The following MXD1 variants were observed in gnomAD, a reference collection of about 807,000 sequenced individuals.
MXD1 encodes MAX-binding protein.
Under a neutral mutation model 25.7 loss-of-function variants are expected in MXD1, and 9 were observed. The ratio of observed to expected loss-of-function variants is 0.35; its 90% CI spans 0.21 to 0.61. The LOEUF (loss-of-function observed/expected upper bound fraction) is 0.61, where lower values mean the gene tolerates loss of function less well. MXD1 is among the 20% of genes least tolerant of loss of function. The pLI, the probability that MXD1 is intolerant of heterozygous loss-of-function variation, is 0.75. For missense variants in MXD1, 227 were observed against 292.4 expected, an observed-to-expected ratio of 0.78 and a Z score of 1.63; for synonymous variants, 99 against 113.9, an observed-to-expected ratio of 0.87 and a Z score of 0.83.
chr2:69,917,357 C>T (rs1224555866), intron 2 of MXD1, among the ~76,000 whole-genome samples: 7 of 152,198 alleles, frequency 4.6e-5, no homozygotes, highest in Non-Finnish European at 1.0e-4. Context: ...TGCTTGTCCT[C>T]CCACCTTAGC....
intron 3 of MXD1, among the ~76,000 whole-genome samples, chr2:69,922,167 CAT>C (rs532448878): frequency 1.1e-3 from 166 of 152,254 alleles, no homozygotes; most frequent in Middle Eastern, 3.4e-3. Flanking sequence ...TATATTAACA[CAT>C]GTGTATTAAC....
chr2:69,924,002 T>A (rs1021101450), intron 3 of MXD1, among the ~76,000 whole-genome samples: 6 of 152,260 alleles, frequency 3.9e-5, no homozygotes, highest in Non-Finnish European at 8.8e-5. Context: ...TCTGCAGGAA[T>A]GCCACAGAAT....
chr2:69,920,363 T>A (rs554080127), intron 2 of MXD1, among the ~76,000 whole-genome samples: 75 of 152,348 alleles, frequency 4.9e-4, no homozygotes, highest in Non-Finnish European at 8.5e-4. Flanking sequence ...AAAACAAATA[T>A]TCTAAACTTA....
rs1222567576 is a variant in MXD1 at position 69,915,289 on chromosome 2, G to A, written c.-42G>A. The A allele has an allele frequency of 3.8e-6, 5 of 1,302,078 alleles. No individual in the cohort carries two copies. The highest frequency in any genetic ancestry group is 4.9e-6 in the Non-Finnish European group (5 of 1,016,582). 80.7% of individuals were successfully genotyped at this position (1,302,078 alleles called of 1,614,324 possible). A position where few individuals can be genotyped will look rare whatever the true frequency, so the allele number is the denominator to read the frequency against. On this transcript the variant is annotated 5_prime_UTR_variant, in exon 1 of 6. Coordinates refer to ENST00000264444, the MANE Select transcript of MXD1 (RefSeq NM_002357.4). The surrounding 1 kb of genome is among the most constrained non-coding windows in gnomAD (Gnocchi z 5.8). ...GTCCGGCGGCGGCAGCGAGCCCGTG[G>A]GCAGTGGGGGTTGGTCCCGTGGCTC...
intron 3 of MXD1, among the ~76,000 whole-genome samples, chr2:69,924,748 CTCA>C (rs200098370): frequency 2.1e-4 from 8 of 38,506 alleles, no homozygotes; most frequent in African/African-American, 1.8e-3. Context: ...TGCCATGGCT[CTCA>C]AAAAAAAAAG....
Position 69,938,822 on chromosome 2 carries a change from G to A in MXD1, c.*538G>A, listed in dbSNP as rs1341800949. 6.5e-6 allele frequency: 1 copy of A among 153,642 alleles called. No individual in the cohort carries two copies. The highest frequency in any genetic ancestry group is 1.5e-5 in the Non-Finnish European group (1 of 68,844). 9.5% of individuals were successfully genotyped at this position (153,642 alleles called of 1,614,324 possible). A position where few individuals can be genotyped will look rare whatever the true frequency, so the allele number is the denominator to read the frequency against. On this transcript the variant is annotated 3_prime_UTR_variant, in exon 6 of 6. Transcript: ENST00000264444. ...AGTCAGGAATACCTCTAGAAAACAC[G>A]CCCTTCACACCGCGCATGCTCATTC... is the stretch of plus-strand genomic sequence containing the variant.
intron 3 of MXD1, among the ~76,000 whole-genome samples, chr2:69,923,899 C>T (rs919329907): frequency 2.6e-5 from 4 of 152,172 alleles, no homozygotes; most frequent in Non-Finnish European, 4.4e-5. Flanking sequence ...TAGTTCTTCG[C>T]CCCTCTAATA....
intron 3 of MXD1, among the ~76,000 whole-genome samples, chr2:69,933,623 T>C (rs1282212229): frequency 6.6e-6 from 1 of 152,148 alleles, no homozygotes; most frequent in Admixed American, 6.5e-5. Flanking sequence ...CCTCATGACC[T>C]AGAAGAGGCA....
intron 3 of MXD1, among the ~76,000 whole-genome samples, chr2:69,928,443 A>G (rs1325415832): frequency 6.6e-6 from 1 of 152,216 alleles, no homozygotes; most frequent in East Asian, 1.9e-4. Flanking sequence ...ACTTTAGGTG[A>G]GAGCTGATAT....
chr2:69,932,025 G>T (rs1472498420), intron 3 of MXD1, among the ~76,000 whole-genome samples: 1 of 152,164 alleles, frequency 6.6e-6, no homozygotes, highest in Non-Finnish European at 1.5e-5. Flanking sequence ...TCCTGTTGAG[G>T]ATATATGGCA....
At chr2:69,928,574 A>G (rs568374259) in intron 3 of MXD1, among the ~76,000 whole-genome samples, 1 of 152,212 alleles carries the variant, frequency 6.6e-6, no homozygotes, top group African/African-American at 2.4e-5. Context: ...TCAATATTGT[A>G]TCCCAAGACT....
rs1038122448 is a variant in MXD1 at position 69,941,681 on chromosome 2, C to T, written c.*3397C>T. The T allele has an allele frequency of 6.6e-6, 1 of 152,150 alleles. No homozygotes were observed. The highest frequency in any genetic ancestry group is 2.4e-5 in the African/African-American group (1 of 41,412). 9.4% of individuals were successfully genotyped at this position (152,150 alleles called of 1,614,324 possible). ...CCTATGGGCCTCTCTTCTGCATCCC[C>T]AAAGCGGCCAAGAGCAAATCCTGGG... On this transcript the variant is annotated 3_prime_UTR_variant, in exon 6 of 6. Transcript: ENST00000264444.
At position 69,931,967 on chromosome 2, in the gene MXD1, A is replaced by T. The variant is rs142822975; in HGVS notation, c.204-3384A>T. 2.6e-4 allele frequency among the ~76,000 whole-genome samples: 40 copies of T among 152,246 alleles called. No homozygotes were observed. In the East Asian group the frequency reaches 7.7e-3, roughly 29 times the overall value. On this transcript the variant is annotated intron_variant, in intron 3 of 5. Transcript: ENST00000264444. ...CAGAGGGAAGACTGAAGAAGATGTG[A>T]TGGGAGGAGAGTCAACTTCCTGGGT...
intron 5 of MXD1, among the ~76,000 whole-genome samples, 164 bp from the exon 6 acceptor site, chr2:69,937,933 A>G (rs1457546071): frequency 6.6e-6 from 1 of 151,900 alleles, no homozygotes. Context: ...TATTAGTAGA[A>G]ACAGGGTTTC....
chr2:69,924,957 C>T (rs971726311), intron 3 of MXD1, among the ~76,000 whole-genome samples: 2 of 152,128 alleles, frequency 1.3e-5, no homozygotes, highest in Non-Finnish European at 2.9e-5. Flanking sequence ...TACCCAACAC[C>T]AACACTTTGA....
chr2:69,922,503 A>AT lies in MXD1; in HGVS notation c.203+739dup, dbSNP rs796985040. 3.5e-4 allele frequency among the ~76,000 whole-genome samples: 54 copies of AT among 152,362 alleles called. 1 individual carries two copies. The highest frequency in any genetic ancestry group is 1.3e-3 in the African/African-American group (53 of 41,584). On this transcript the variant is annotated intron_variant, in intron 3 of 5. Coordinates refer to ENST00000264444, the MANE Select transcript of MXD1 (RefSeq NM_002357.4). The stretch of plus-strand genomic sequence containing the variant: ...TTTTTATATTAAATACATTATACAC[A>AT]TACACTTGTATATTTTTCTGGTGAG...
chr2:69,917,464 C>A (rs11902198), intron 2 of MXD1, among the ~76,000 whole-genome samples: 81,666 of 152,052 alleles, frequency 0.54, 24,006 homozygotes, highest in African/African-American at 0.79. Context: ...TGGTGTAAAA[C>A]CAATTAAGCT....
In MXD1 at chr2:69,938,730, A is replaced by G. The variant is rs1677520747; in HGVS notation, c.*446A>G. On this transcript the variant is annotated 3_prime_UTR_variant, in exon 6 of 6. Transcript: ENST00000264444. ...TTGAAATTGAGATCCTGATCTCAGA[A>G]CTCCAAAGTAAGCTTTGAAAGCAGC... 1 of 155,860 alleles carries G rather than the reference A, an allele frequency of 6.4e-6. No individual in the cohort carries two copies. The highest frequency in any genetic ancestry group is 1.4e-5 in the Non-Finnish European group (1 of 70,182). 9.7% of individuals were successfully genotyped at this position (155,860 alleles called of 1,614,324 possible). A position where few individuals can be genotyped will look rare whatever the true frequency, so the allele number is the denominator to read the frequency against.
In MXD1 at chr2:69,938,254, G is replaced by A; in HGVS notation, c.636G>A (p.Gln212=). The change falls in exon 6 of 6, where the codon CAG becomes CAA. Residue 212 remains glutamine (Q), a synonymous_variant. Coordinates refer to ENST00000264444, the MANE Select transcript of MXD1 (RefSeq NM_002357.4). ...SSTSIKRIKL[Q]DSHKACLGL is the part of the protein sequence containing the mutation. ...CCAGCATCAAGAGAATAAAGCTGCAGGACAGTCACAAGGCGTGTCTTGGTC... is the reference window on the plus strand; with the variant it reads ...CCAGCATCAAGAGAATAAAGCTGCAAGACAGTCACAAGGCGTGTCTTGGTC... 6.2e-7 allele frequency: 1 copy of A among 1,614,196 alleles called. No individual in the cohort carries two copies. The highest frequency in any genetic ancestry group is 8.5e-7 in the Non-Finnish European group (1 of 1,180,020).
Sources: allele counts gnomAD v4.1 joint callset (sites outside exome capture counted in the v4.1 genomes callset), GRCh38; gene constraint gnomAD v4.1.1; non-coding constraint Gnocchi (gnomAD v3.1); transcripts MANE v1.5; gene names NCBI Gene and HGNC (gene_info 2026-07-23, HGNC 2026-07-21).